TXNDC11: variants seen among roughly 807,000 people sequenced by gnomAD.
The protein encoded by TXNDC11 is thioredoxin domain-containing protein 11.
Under a neutral mutation model 78.0 loss-of-function variants are expected in TXNDC11, and 68 were observed. The ratio of observed to expected loss-of-function variants is 0.87; its 90% CI spans 0.72 to 1.07. The LOEUF (loss-of-function observed/expected upper bound fraction) is 1.07. TXNDC11 is among the 50% of genes least tolerant of loss of function. The pLI is 0.00. For synonymous variants in TXNDC11, 571 were observed against 495.2 expected, an observed-to-expected ratio of 1.15 and a Z score of -2.03; for missense variants, 1,389 against 1,221.8, an observed-to-expected ratio of 1.14 and a Z score of -2.04.
intron 3 of TXNDC11, 96 bp from the exon 4 acceptor site, chr16:11,730,870 A>C: frequency 2.1e-6 from 2 of 943,896 alleles, no homozygotes; most frequent in Non-Finnish European, 2.9e-6. Flanking sequence ...ACCACCACAA[A>C]ATGAAAGTGT....
rs8191351 is a variant in TXNDC11 at position 11,679,513 on chromosome 16, G to C, written c.2559C>G (p.His853Gln). ...RALEEQHSLLHAHSEQLQALY... is the reference protein window; with the variant it reads ...RALEEQHSLLQAHSEQLQALY... ...GGGCCTGCAGCTGCTCACTGTGTGC[G>C]TGGAGCAGGCTGTGCTGCTCTTCCA... is the stretch of plus-strand genomic sequence containing the variant. The change falls in exon 12 of 12, where the codon CAC becomes CAG. Residue 853 changes from histidine (H) to glutamine (Q), a missense_variant. Physicochemically the swap from His to Gln is conservative, Grantham distance 24 (BLOSUM62 0). Coordinates refer to ENST00000283033, the MANE Select transcript of TXNDC11 (RefSeq NM_015914.7). This position sits in a 1 kb window ranked among gnomAD's most constrained non-coding sequence, Gnocchi z 4.6. 1.2e-6 allele frequency: 2 copies of C among 1,613,312 alleles called. No homozygotes were observed. Among genetic ancestry groups the C allele is most frequent in the East Asian group, 2.2e-5 (1 of 44,890 alleles).
chr16:11,718,981 C>G (rs2051625045), intron 5 of TXNDC11, among the ~76,000 whole-genome samples: 2 of 152,194 alleles, frequency 1.3e-5, no homozygotes, highest in African/African-American at 4.8e-5. Flanking sequence ...ATTTACCCTT[C>G]TTTTGCTGAA....
intron 6 of TXNDC11, among the ~76,000 whole-genome samples, chr16:11,698,836 C>T (rs1243639174): frequency 6.6e-6 from 1 of 152,214 alleles, no homozygotes; most frequent in Non-Finnish European, 1.5e-5. Context: ...CCTAGACGAA[C>T]ACCAGGCACA....
intron 4 of TXNDC11, among the ~76,000 whole-genome samples, chr16:11,723,600 CA>C (rs893762033): frequency 1.8e-4 from 27 of 146,672 alleles, no homozygotes; most frequent in African/African-American, 5.2e-4. Context: ...AAAAAACAAA[CA>C]AAAAAAAAAC....
intron 5 of TXNDC11, among the ~76,000 whole-genome samples, chr16:11,703,509 TACACACACACACACACACAC>T (rs34963301): frequency 4.1e-5 from 6 of 144,938 alleles, no homozygotes; most frequent in Admixed American, 6.8e-5. Flanking sequence ...AGGCTTTTGA[TACACACACACACACACACAC>T]ACACACACAC....
At chr16:11,714,234 GGT>G (rs1008253966) in intron 5 of TXNDC11, among the ~76,000 whole-genome samples, 1 of 152,096 alleles carries the variant, frequency 6.6e-6, no homozygotes, top group Admixed American at 6.5e-5. Flanking sequence ...CATTGCGAAA[GGT>G]TGGTCTCAAA....
chr16:11,718,641 T>G (rs756275407), intron 5 of TXNDC11, among the ~76,000 whole-genome samples: 2 of 152,186 alleles, frequency 1.3e-5, no homozygotes, highest in Non-Finnish European at 2.9e-5. Flanking sequence ...TCCTTCATAG[T>G]GCACATATTA....
At chr16:11,741,372 G>C (rs572027739) in intron 1 of TXNDC11, among the ~76,000 whole-genome samples, 149 of 152,152 alleles carry the variant, frequency 9.8e-4, no homozygotes, top group Non-Finnish European at 1.9e-3. Context: ...TTGTATGTGT[G>C]TACATTCCTG....
At position 11,742,543 on chromosome 16, in the gene TXNDC11, G is replaced by C; in HGVS notation, c.188C>G (p.Pro63Arg). The C allele has an allele frequency of 2.1e-6, 3 of 1,455,926 alleles. No homozygotes were observed. The highest frequency in any genetic ancestry group is 1.8e-6 in the Non-Finnish European group (2 of 1,111,344). The allele number at this position is 1,455,926 out of a possible 1,614,324, so 90.2% of individuals were successfully genotyped here. A position where few individuals can be genotyped will look rare whatever the true frequency, so the allele number is the denominator to read the frequency against. Residue 63 changes from proline to arginine, a missense_variant, in exon 1 of 12, where the codon CCG becomes CGG. Pro to Arg is a moderately radical substitution (Grantham distance 103). Transcript: ENST00000283033. ...RGAFLMARQRPELLCGAVALG... is the reference protein window; with the variant it reads ...RGAFLMARQRRELLCGAVALG... The stretch of plus-strand genomic sequence containing the variant: ...CGCCACGGCCCCGCAGAGCAGCTCC[G>C]GCCGCTGGCGCGCCATGAGGAAGGC...
intron 5 of TXNDC11, among the ~76,000 whole-genome samples, chr16:11,708,735 T>C (rs1366879681): frequency 6.6e-6 from 1 of 152,238 alleles, no homozygotes; most frequent in Admixed American, 6.5e-5. Flanking sequence ...CATGGGGAAA[T>C]TCTTCTCATT....
chr16:11,738,605 T>G (rs2052296960), intron 1 of TXNDC11, among the ~76,000 whole-genome samples: 1 of 150,966 alleles, frequency 6.6e-6, no homozygotes, highest in Non-Finnish European at 1.5e-5. Context: ...TAATTTAAGC[T>G]CTGAGACCTG....
chr16:11,736,033 C>G lies in TXNDC11; in HGVS notation c.455G>C (p.Ser152Thr), dbSNP rs1209276875. The change falls in exon 2 of 12, where the codon AGT (serine) becomes ACT (threonine). Residue 152 changes from serine to threonine, a missense_variant. Physicochemically the swap from Ser to Thr is moderately conservative, Grantham distance 58. Transcript: ENST00000283033. Reference protein sequence around the residue: ...AARAEIEQAASRLSDQVLFVA... With the variant: ...AARAEIEQAATRLSDQVLFVA... ...GAGCATTACCTGATCTGAAAGCCGA[C>G]TTGCTGCTTGCTCAATTTCTGCCCT... 1 of 1,614,060 alleles carries G rather than the reference C, an allele frequency of 6.2e-7. No homozygotes were observed. Among genetic ancestry groups the G allele is most frequent in the East Asian group, 2.2e-5 (1 of 44,886 alleles).
chr16:11,698,165 G>C lies in TXNDC11; in HGVS notation c.1067C>G (p.Pro356Arg), dbSNP rs760216665. ...ATGACTTTCGGCCAGGGGATTAAAA[G>C]GTATGAACAGAAACAGCGCTGGTCC... ...KKGPALFLFI[P>R]FNPLAESHPL... The change falls in exon 7 of 12, where the codon CCT becomes CGT. Residue 356 changes from proline (P) to arginine (R), a missense_variant. By Grantham distance (103) the Pro-to-Arg change is moderately radical. Transcript: ENST00000283033. 6 of 1,614,230 alleles carry C rather than the reference G, an allele frequency of 3.7e-6. No individual in the cohort carries two copies. The highest frequency in any genetic ancestry group is 5.1e-6 in the Non-Finnish European group (6 of 1,180,044).
At chr16:11,708,606 G>A (rs903336238) in intron 5 of TXNDC11, among the ~76,000 whole-genome samples, 1 of 152,126 alleles carries the variant, frequency 6.6e-6, no homozygotes, top group African/African-American at 2.4e-5. Flanking sequence ...ATGGAATATC[G>A]GGTCAAGAAA....
chr16:11,713,112 A>G (rs1437566223), intron 5 of TXNDC11, among the ~76,000 whole-genome samples: 24 of 40,338 alleles, frequency 5.9e-4, no homozygotes, highest in South Asian at 2.9e-3. Context: ...TGTCTCAGGA[A>G]AAAAAAAAAA....
intron 5 of TXNDC11, among the ~76,000 whole-genome samples, chr16:11,713,038 C>T (rs1044747562): frequency 1.4e-5 from 2 of 145,016 alleles, no homozygotes. Context: ...ACCCAGGAGG[C>T]GGAGGTTGCG....
At chr16:11,711,305 C>T (rs986155438) in intron 5 of TXNDC11, among the ~76,000 whole-genome samples, 22 of 152,134 alleles carry the variant, frequency 1.4e-4, no homozygotes, top group East Asian at 1.9e-4. Flanking sequence ...GTACTGGCTT[C>T]GTGTTGTTGC....
chr16:11,738,183 GCTAAAGAGTACATGCA>G (rs1255158909), intron 1 of TXNDC11, among the ~76,000 whole-genome samples: 9 of 152,336 alleles, frequency 5.9e-5, no homozygotes, highest in African/African-American at 1.9e-4. Context: ...TGAAAAAAGT[GCTAAAGAGTACATGCA>G]CTATGACTGC....
At chr16:11,682,079 ATTC>A (rs1222293602) in intron 11 of TXNDC11, among the ~76,000 whole-genome samples, 1 of 152,252 alleles carries the variant, frequency 6.6e-6, no homozygotes, top group African/African-American at 2.4e-5. Context: ...ACAATTTCAT[ATTC>A]TTTTCACTAA....
Sources: gnomAD v4.1 joint callset for allele counts (sites outside exome capture counted in the v4.1 genomes callset) on GRCh38, gnomAD v4.1.1 for gene constraint, Gnocchi (gnomAD v3.1) non-coding constraint, MANE v1.5 for transcripts, NCBI Gene and HGNC (gene_info 2026-07-23, HGNC 2026-07-21) for gene names.